The following RARB variants were observed in gnomAD, a reference collection of about 807,000 sequenced individuals.
RARB encodes retinoic acid receptor beta.
In RARB, 17 loss-of-function variants were observed where a neutral mutation model predicts 51.9. The ratio of observed to expected loss-of-function variants is 0.33; its 90% CI spans 0.22 to 0.49. RARB has a LOEUF of 0.49. RARB is among the 20% of genes least tolerant of loss of function. RARB has a pLI of 0.99. For missense variants in RARB, 369 were observed against 550.8 expected (o/e 0.67, Z 3.30); for synonymous variants, 215 against 195.4 (o/e 1.10, Z -0.84).
In RARB at chr3:24,957,377, A is replaced by G. The variant is rs1216929778; in HGVS notation, c.-380+98625A>G. Among the ~76,000 whole-genome samples, 3 of 152,292 alleles carry G rather than the reference A, an allele frequency of 2.0e-5. No homozygotes were observed. The East Asian group carries it at 5.8e-4, about 29-fold the overall frequency. On this transcript the variant is annotated intron_variant, in intron 2 of 11. Coordinates refer to the RARB transcript ENST00000383772. ...CAAAAATCATTATTTTATAAATATT[A>G]TTGAGGGGTCTTACTTGGAACCCTA...
chr3:25,461,172 T>C, intron 1 of RARB, 21 bp from the exon 2 acceptor site: 2 of 1,552,568 alleles, frequency 1.3e-6, no homozygotes, highest in Non-Finnish European at 1.7e-6. Flanking sequence ...TTTTTCTCCC[T>C]CTACCCCATC....
chr3:24,958,328 G>A (rs1398392267), intron 2 of RARB, among the ~76,000 whole-genome samples: 1 of 119,350 alleles, frequency 8.4e-6, no homozygotes, highest in East Asian at 2.8e-4. Context: ...AGAACTAATA[G>A]TTTACTCAAA....
intron 5 of RARB, among the ~76,000 whole-genome samples, chr3:25,407,368 C>A (rs534140799): frequency 6.6e-6 from 1 of 152,286 alleles, no homozygotes; most frequent in African/African-American, 2.4e-5. Context: ...AATTCAGTTT[C>A]ATCATCATAT....
Position 25,128,734 on chromosome 3 carries a change from C to G in RARB, c.-327-3427C>G, listed in dbSNP as rs375040841. Among the ~76,000 whole-genome samples, 47 of 151,728 alleles carry G rather than the reference C, an allele frequency of 3.1e-4. 1 individual carries two copies. The South Asian group carries it at 8.9e-3, about 29-fold the overall frequency. On this transcript the variant is annotated intron_variant, in intron 3 of 11. Transcript: ENST00000383772. ...GTTTAACTAGATACCTAGGACAGTC[C>G]TCTCAATGAAAACAACTAAATATTC...
intron 3 of RARB, among the ~76,000 whole-genome samples, chr3:25,520,304 T>C (rs369080834): frequency 1.3e-4 from 20 of 152,234 alleles, no homozygotes; most frequent in African/African-American, 4.6e-4. Flanking sequence ...CCTTCATTTC[T>C]ATCCAGTTCA....
chr3:25,170,129 G>A (rs1024830403), intron 4 of RARB, among the ~76,000 whole-genome samples: 1 of 152,140 alleles, frequency 6.6e-6, no homozygotes, highest in African/African-American at 2.4e-5. Context: ...CGGCCCATGG[G>A]TCAAATTCAT....
chr3:25,139,967 T>C (rs1700084147), intron 4 of RARB, among the ~76,000 whole-genome samples: 1 of 152,176 alleles, frequency 6.6e-6, no homozygotes. Flanking sequence ...CAGCCAGGTT[T>C]ACTTAATATT....
chr3:25,090,303 C>G (rs1389017123), intron 3 of RARB, among the ~76,000 whole-genome samples: 1 of 152,080 alleles, frequency 6.6e-6, no homozygotes, highest in East Asian at 1.9e-4. Context: ...TTAATATTGT[C>G]TATTCTTAAG....
At chr3:25,065,606 C>G (rs1698645806) in intron 3 of RARB, among the ~76,000 whole-genome samples, 1 of 152,186 alleles carries the variant, frequency 6.6e-6, no homozygotes, top group South Asian at 2.1e-4. Context: ...TTGTTCTACC[C>G]AAAGTATGAA....
intron 2 of RARB, among the ~76,000 whole-genome samples, chr3:24,999,157 A>G (rs527475264): frequency 6.6e-6 from 1 of 152,264 alleles, no homozygotes; most frequent in East Asian, 1.9e-4. Flanking sequence ...TTTAGAATAT[A>G]TAATAGGTGT....
At chr3:24,829,856 G>A (rs1702256467) in intron 1 of RARB, among the ~76,000 whole-genome samples, 1 of 152,236 alleles carries the variant, frequency 6.6e-6, no homozygotes, top group Non-Finnish European at 1.5e-5. Context: ...GCACCTTAGG[G>A]CTGGGCACGG....
chr3:25,293,678 C>T (rs1703846580), intron 5 of RARB, among the ~76,000 whole-genome samples: 1 of 147,284 alleles, frequency 6.8e-6, no homozygotes, highest in Admixed American at 6.9e-5. Flanking sequence ...CTAAAACCAT[C>T]ATCACCTAGT....
intron 5 of RARB, among the ~76,000 whole-genome samples, chr3:25,245,822 C>T (rs1702546005): frequency 6.6e-6 from 1 of 152,034 alleles, no homozygotes; most frequent in Non-Finnish European, 1.5e-5. Flanking sequence ...TGAGGAGTAT[C>T]TTTATGGTGT....
rs1301959337 is a variant in RARB, at chr3:25,382,066, C to G, written c.179-79127C>G. Among the ~76,000 whole-genome samples the G allele has an allele frequency of 5.7e-4, 86 of 152,140 alleles. 1 individual carries two copies. The highest frequency in any genetic ancestry group is 5.6e-3 in the Admixed American group (86 of 15,270). On this transcript the variant is annotated intron_variant, in intron 5 of 11. Coordinates refer to the RARB transcript ENST00000383772. ...CAATATTCTAACTGAGGAACATTAG[C>G]ATCATATCATGTCTTTTTTTGGCCC...
rs956694806 is a variant in RARB at position 25,513,711 on chromosome 3, A to C, written c.448+12388A>C. 2.2e-5 allele frequency among the ~76,000 whole-genome samples: 3 copies of C among 133,998 alleles called. 1 individual carries two copies. Among genetic ancestry groups the C allele is most frequent in the Admixed American group, 2.2e-4 (3 of 13,638 alleles). 87.9% of individuals were successfully genotyped at this position (133,998 alleles called of 152,430 possible). A position where few individuals can be genotyped will look rare whatever the true frequency, so the allele number is the denominator to read the frequency against. On this transcript the variant is annotated intron_variant, in intron 3 of 7. Transcript: ENST00000330688. ...ATTTCATCAAATCGATCATTTCTTAAGGTGCACTATTATTTTGTATACCAC... is the reference window on the plus strand; with the variant it reads ...ATTTCATCAAATCGATCATTTCTTACGGTGCACTATTATTTTGTATACCAC...
At chr3:25,493,197 G>T (rs35536382) in intron 2 of RARB, among the ~76,000 whole-genome samples, 7,646 of 152,092 alleles carry the variant, frequency 0.05, 325 homozygotes, top group East Asian at 0.24. Flanking sequence ...AAATAATAGG[G>T]TGTTTTTCTA....
At chr3:25,419,337 G>C (rs192164857) in intron 5 of RARB, among the ~76,000 whole-genome samples, 29 of 152,140 alleles carry the variant, frequency 1.9e-4, no homozygotes, top group African/African-American at 6.7e-4. Flanking sequence ...CATATTTTGG[G>C]GTAGCATGTT....
intron 2 of RARB, among the ~76,000 whole-genome samples, chr3:25,053,388 A>G (rs1455836550): frequency 6.6e-6 from 1 of 152,194 alleles, no homozygotes; most frequent in African/African-American, 2.4e-5. Flanking sequence ...TTCCGTTTAT[A>G]TCTGACACAT....
chr3:25,372,184 T>C (rs1488165762), intron 5 of RARB, among the ~76,000 whole-genome samples: 1 of 152,242 alleles, frequency 6.6e-6, no homozygotes, highest in African/African-American at 2.4e-5. Flanking sequence ...CATGGTCAGA[T>C]TTCCATTTAA....
Sources: gnomAD v4.1 joint callset for allele counts (sites outside exome capture counted in the v4.1 genomes callset) on GRCh38, gnomAD v4.1.1 for gene constraint, MANE v1.5 for transcripts, NCBI Gene and HGNC (gene_info 2026-07-23, HGNC 2026-07-21) for gene names.